Variants in AKT3 observed in about 807,000 individuals in gnomAD.
AKT3 encodes the protein AKT serine/threonine kinase 3.
In AKT3, 15 loss-of-function variants were observed where a neutral mutation model predicts 65.3. The ratio of observed to expected loss-of-function variants is 0.23; its 90% CI spans 0.15 to 0.35. The LOEUF (loss-of-function observed/expected upper bound fraction) is 0.35. Ranked by LOEUF, AKT3 falls within the 10% of genes least tolerant of loss-of-function variation. The pLI is 1.00. For missense variants in AKT3, 243 were observed against 576.5 expected (o/e 0.42, Z 5.92); for synonymous variants, 206 against 183.8 (o/e 1.12, Z -0.98).
chr1:243,730,577 C>T (rs995677661), intron 2 of AKT3, among the ~76,000 whole-genome samples: 1 of 152,336 alleles, frequency 6.6e-6, no homozygotes, highest in Admixed American at 6.5e-5. Flanking sequence ...AGCCTTCCTG[C>T]CTTCTGCCTG....
chr1:243,559,684 C>T (rs1673638137), intron 10 of AKT3, among the ~76,000 whole-genome samples: 1 of 152,094 alleles, frequency 6.6e-6, no homozygotes, highest in Admixed American at 6.6e-5. Flanking sequence ...GGCGAAGGAA[C>T]ACTATTGCTA....
chr1:243,675,874 C>T (rs1312194414), intron 3 of AKT3, among the ~76,000 whole-genome samples: 3 of 152,220 alleles, frequency 2.0e-5, no homozygotes, highest in Non-Finnish European at 4.4e-5. Context: ...CCTTTACCTT[C>T]CAAAGGCTCA....
intron 8 of AKT3, among the ~76,000 whole-genome samples, chr1:243,611,191 C>T (rs984764644): frequency 4.6e-5 from 7 of 152,142 alleles, no homozygotes; most frequent in African/African-American, 1.7e-4. Context: ...AGTTTTGACT[C>T]TTTATCCACT....
At chr1:243,552,671 A>G (rs1477084864) in intron 11 of AKT3, 58 bp downstream of exon 11, 5 of 1,465,118 alleles carry the variant, frequency 3.4e-6, no homozygotes, top group Admixed American at 3.4e-5. Context: ...ATTAATTTCC[A>G]TATCTCAATT....
intron 2 of AKT3, among the ~76,000 whole-genome samples, chr1:243,736,038 T>A (rs1431954130): frequency 1.3e-5 from 2 of 152,206 alleles, no homozygotes; most frequent in Admixed American, 6.5e-5. Context: ...ATACTTTTTT[T>A]AATCTGTAAA....
chr1:243,605,709 A>C (rs1303910686), intron 8 of AKT3, among the ~76,000 whole-genome samples: 2 of 152,188 alleles, frequency 1.3e-5, no homozygotes, highest in Non-Finnish European at 2.9e-5. Context: ...TTCACAATTC[A>C]CTTTCATCAA....
intron 3 of AKT3, chr1:243,687,891 G>A (rs755938616): frequency 6.6e-6 from 1 of 152,108 alleles, no homozygotes; most frequent in Admixed American, 6.5e-5. Flanking sequence ...ATAGAAGCGA[G>A]AAGCAAAATT....
At chr1:243,678,593 C>G (rs1300400851) in intron 3 of AKT3, among the ~76,000 whole-genome samples, 3 of 152,198 alleles carry the variant, frequency 2.0e-5, no homozygotes, top group African/African-American at 7.2e-5. Flanking sequence ...TTATTCCTCA[C>G]TTAATCCTCT....
chr1:243,641,057 A>G (rs907286138), intron 5 of AKT3, among the ~76,000 whole-genome samples: 4 of 151,972 alleles, frequency 2.6e-5, no homozygotes, highest in Non-Finnish European at 4.4e-5. Context: ...GAAAAACATG[A>G]AAAGGCTAGA....
chr1:243,784,697 T>C (rs1020449365), intron 2 of AKT3, among the ~76,000 whole-genome samples: 1 of 152,202 alleles, frequency 6.6e-6, no homozygotes, highest in Non-Finnish European at 1.5e-5. Context: ...CACTGCTCTC[T>C]GGGCACCACC....
intron 2 of AKT3, among the ~76,000 whole-genome samples, chr1:243,750,811 A>G (rs1025408787): frequency 6.6e-6 from 1 of 151,714 alleles, no homozygotes; most frequent in Non-Finnish European, 1.5e-5. Context: ...CAAACTCCTG[A>G]CCTCCGGTGA....
At chr1:243,764,109 C>T (rs986785045) in intron 2 of AKT3, among the ~76,000 whole-genome samples, 2 of 152,006 alleles carry the variant, frequency 1.3e-5, no homozygotes, top group African/African-American at 4.8e-5. Context: ...TGGTAAAATT[C>T]CAAACTTTAA....
rs192517024 is a variant in AKT3 at position 243,820,444 on chromosome 1, C to T, written c.46+22681G>A. Among the ~76,000 whole-genome samples, 33 of 152,276 alleles carry T rather than the reference C, an allele frequency of 2.2e-4. No homozygotes were observed. In the South Asian group the frequency reaches 5.8e-3, roughly 27 times the overall value. On this transcript the variant is annotated intron_variant, in intron 2 of 13. Coordinates refer to ENST00000673466, the MANE Select transcript of AKT3 (RefSeq NM_005465.7). ...TCTCCAGCAAGGGCACTCAACTAGACGAACGCTTAGATGAACTGACAGAAG... is the reference window on the plus strand; with the variant it reads ...TCTCCAGCAAGGGCACTCAACTAGATGAACGCTTAGATGAACTGACAGAAG...
chr1:243,656,727 T>C (rs1256597076), intron 4 of AKT3, among the ~76,000 whole-genome samples: 1 of 152,150 alleles, frequency 6.6e-6, no homozygotes, highest in Non-Finnish European at 1.5e-5. Context: ...TGGAACATGT[T>C]GGGGGCGAGG....
intron 2 of AKT3, chr1:243,814,465 T>C (rs1693381876): frequency 6.6e-6 from 1 of 152,208 alleles, no homozygotes; most frequent in Admixed American, 6.5e-5. Flanking sequence ...TTGTAGTTCC[T>C]AGAAATAATT....
chr1:243,700,506 A>ATTTTTTTTTTTTTTTT lies in AKT3; in HGVS notation c.47-4806_47-4791dup, dbSNP rs67611152. ...TTATTTTGGACCTCAGGCTTAGTCT[A>ATTTTTTTTTTTTTTTT]TTTTTTTTTTTTTTTTGAGACACAG... is the stretch of plus-strand genomic sequence containing the variant. On this transcript the variant is annotated intron_variant, in intron 2 of 13. Transcript: ENST00000673466. Among the ~76,000 whole-genome samples, 126 of 139,930 alleles carry ATTTTTTTTTTTTTTTT rather than the reference A, an allele frequency of 9.0e-4. 1 individual carries two copies. The highest frequency in any genetic ancestry group is 3.3e-3 in the African/African-American group (123 of 37,522). 91.8% of individuals were successfully genotyped at this position (139,930 alleles called of 152,430 possible).
At position 243,820,449 on chromosome 1, in the gene AKT3, G is replaced by A. The variant is rs142188997; in HGVS notation, c.46+22676C>T. 6.6e-3 allele frequency among the ~76,000 whole-genome samples: 998 copies of A among 152,240 alleles called. 11 individuals carry two copies. The highest frequency in any genetic ancestry group is 7.0e-3 in the Non-Finnish European group (477 of 68,006). ...AGCAAGGGCACTCAACTAGACGAAC[G>A]CTTAGATGAACTGACAGAAGTAGGC... On this transcript the variant is annotated intron_variant, in intron 2 of 13. Coordinates refer to ENST00000673466, the MANE Select transcript of AKT3 (RefSeq NM_005465.7).
chr1:243,730,754 G>T (rs1687508401), intron 2 of AKT3, among the ~76,000 whole-genome samples: 1 of 152,220 alleles, frequency 6.6e-6, no homozygotes, highest in Non-Finnish European at 1.5e-5. Flanking sequence ...CACTCCTTGA[G>T]GCTCTGCAGT....
intron 2 of AKT3, among the ~76,000 whole-genome samples, chr1:243,702,456 T>C (rs967327251): frequency 6.6e-6 from 1 of 152,154 alleles, no homozygotes; most frequent in African/African-American, 2.4e-5. Context: ...GAAATCATAG[T>C]TTTTATCCAC....
Sources: gnomAD v4.1 joint callset for allele counts (sites outside exome capture counted in the v4.1 genomes callset) on GRCh38, gnomAD v4.1.1 for gene constraint, MANE v1.5 for transcripts, NCBI Gene and HGNC (gene_info 2026-07-23, HGNC 2026-07-21) for gene names.